The following PAK3 variants were observed in gnomAD, a reference collection of about 807,000 sequenced individuals.
The protein encoded by PAK3 is p21 (RAC1) activated kinase 3, also known as serine/threonine-protein kinase PAK 3.
A neutral mutation model predicts 41.0 loss-of-function variants in PAK3; 4 were observed. That is an observed-to-expected ratio of 0.10 (90% confidence interval 0.05 to 0.22). The LOEUF (loss-of-function observed/expected upper bound fraction) is 0.22, where lower values mean the gene tolerates loss of function less well. Among genes scored for constraint, PAK3 ranks in the 10% least tolerant of loss-of-function variants. The pLI, the probability that PAK3 is intolerant of heterozygous loss-of-function variation, is 1.00. For missense variants in PAK3, 205 were observed against 409.9 expected, an observed-to-expected ratio of 0.50 and a Z score of 4.32; for synonymous variants, 146 against 139.6, an observed-to-expected ratio of 1.05 and a Z score of -0.32.
At chrX:111,020,408 G>T (rs918807187) in intron 1 of PAK3, among the ~76,000 whole-genome samples, 1 of 111,492 alleles carries the variant, frequency 9.0e-6, no homozygotes, top group African/African-American at 3.3e-5. Context: ...AGGGGAGAAT[G>T]GGGAATTGTT....
At chrX:111,027,521 G>A (rs191972539) in intron 1 of PAK3, among the ~76,000 whole-genome samples, 119 of 111,670 alleles carry the variant, frequency 1.1e-3, no homozygotes, top group African/African-American at 3.5e-3. Flanking sequence ...ACGAATAGAC[G>A]ATTCTCAAAA....
chrX:111,137,681 C>G (rs1368160897), intron 5 of PAK3, among the ~76,000 whole-genome samples: 2 of 111,540 alleles, frequency 1.8e-5, no homozygotes, highest in Non-Finnish European at 3.8e-5. Flanking sequence ...AGAAAGATGT[C>G]AGGATGAGAG....
chrX:110,967,666 A>G (rs1404852363), intron 1 of PAK3, among the ~76,000 whole-genome samples: 1 of 112,010 alleles, frequency 8.9e-6, no homozygotes, highest in Non-Finnish European at 1.9e-5. Context: ...TCAAGACACT[A>G]CGGGCCAAGC....
chrX:111,096,087 AT>A (rs769607436), upstream of PAK3, among the ~76,000 whole-genome samples: 125 of 111,462 alleles, frequency 1.1e-3, no homozygotes, highest in African/African-American at 3.8e-3. Flanking sequence ...ACTCAGGGCG[AT>A]TTTAGTTTTA....
intron 1 of PAK3, among the ~76,000 whole-genome samples, chrX:111,064,302 A>C (rs1170246704): frequency 9.0e-6 from 1 of 111,416 alleles, no homozygotes; most frequent in African/African-American, 3.3e-5. Context: ...AAGAATTTTA[A>C]CTTTTATTTT....
At chrX:111,050,155 C>G (rs1170963348) in intron 1 of PAK3, among the ~76,000 whole-genome samples, 2 of 111,498 alleles carry the variant, frequency 1.8e-5, no homozygotes, top group East Asian at 2.8e-4. Context: ...TCCCCAGGCA[C>G]TTCCCCACAG....
At chrX:111,100,082 T>C (rs2093097292) in intron 3 of PAK3, among the ~76,000 whole-genome samples, 1 of 110,633 alleles carries the variant, frequency 9.0e-6, no homozygotes, top group African/African-American at 3.3e-5. Flanking sequence ...TCCAAGTTAA[T>C]AATCTGCTAG....
chrX:110,957,636 C>T (rs1416459293), intron 1 of PAK3, among the ~76,000 whole-genome samples: 1 of 111,401 alleles, frequency 9.0e-6, no homozygotes, highest in African/African-American at 3.3e-5. Flanking sequence ...AGTGGTGAGT[C>T]TTTCTTACCC....
In PAK3 at chrX:111,192,580, G is replaced by A. The variant is rs1464509529; in HGVS notation, c.954G>A (p.Arg318=). 1 of 1,096,112 alleles carries A rather than the reference G, an allele frequency of 9.1e-7. No homozygotes were observed. The highest frequency in any genetic ancestry group is 1.8e-5 in the African/African-American group (1 of 55,531). The allele number at this position is 1,096,112 out of a possible 1,213,427, so 90.3% of individuals were successfully genotyped here. The change falls in exon 13 of 18, where the codon AGG becomes AGA. Residue 318 remains arginine, a synonymous_variant. Transcript: ENST00000372007. ...TTATTAATGAAATTCTGGTCATGAG[G>A]GAAAATAAGAACCCTAATATTGTTA... The part of the protein sequence containing the change: ...ELIINEILVM[R]ENKNPNIVNY...
intron 5 of PAK3, among the ~76,000 whole-genome samples, chrX:111,124,712 C>T (rs1332632406): frequency 9.0e-6 from 1 of 111,422 alleles, no homozygotes; most frequent in East Asian, 2.9e-4. Context: ...TAATGAAACC[C>T]TTGCTGCTCT....
intron 5 of PAK3, among the ~76,000 whole-genome samples, chrX:111,140,612 A>T (rs2093856672): frequency 8.9e-6 from 1 of 111,925 alleles, no homozygotes; most frequent in South Asian, 3.7e-4. Context: ...CACTGTAAAA[A>T]TGGAATCTGT....
intron 1 of PAK3, among the ~76,000 whole-genome samples, chrX:111,053,499 A>T (rs768311486): frequency 9.0e-6 from 1 of 111,460 alleles, no homozygotes; most frequent in Non-Finnish European, 1.9e-5. Context: ...TAGAGTACTG[A>T]CTCCCTATGT....
At chrX:111,147,628 T>G in intron 6 of PAK3, 109 bp from the exon 7 acceptor site, 1 of 583,544 alleles carries the variant, frequency 1.7e-6, no homozygotes, top group Non-Finnish European at 3.1e-6. Context: ...GTTTCCCAAG[T>G]GTAATCCTAC....
intron 6 of PAK3, among the ~76,000 whole-genome samples, chrX:111,144,481 T>C (rs1426674090): frequency 1.8e-5 from 2 of 111,803 alleles, no homozygotes; most frequent in Non-Finnish European, 1.9e-5. Flanking sequence ...TGCCAAATTA[T>C]AAAAAGCTTT....
chrX:111,014,324 CT>C (rs751361766), intron 1 of PAK3, among the ~76,000 whole-genome samples: 1 of 110,977 alleles, frequency 9.0e-6, no homozygotes, highest in East Asian at 2.8e-4. Flanking sequence ...TCAGCAGCAC[CT>C]TTTTTTTCAA....
At chrX:111,059,903 C>T (rs1177532281) in intron 1 of PAK3, among the ~76,000 whole-genome samples, 1 of 111,492 alleles carries the variant, frequency 9.0e-6, no homozygotes, top group Non-Finnish European at 1.9e-5. Context: ...TCTTTCTTTC[C>T]AATCTGGATA....
rs377234261 is a variant in PAK3 at position 111,070,113 on chromosome X, AAAACAAAC to A, written c.-27-52945_-27-52938del. ...TATGGGTACAAGGTAATCCTGAGAC[AAAACAAAC>A]AAACAAACAAACAAACAACAACAAC... On this transcript the variant is annotated intron_variant, in intron 1 of 14. Coordinates refer to the PAK3 transcript ENST00000425146. Among the ~76,000 whole-genome samples the A allele has an allele frequency of 6.7e-3, 751 of 111,682 alleles. 3 individuals carry two copies. Among genetic ancestry groups the A allele is most frequent in the African/African-American group, 0.023 (703 of 30,723 alleles).
intron 1 of PAK3, among the ~76,000 whole-genome samples, chrX:111,029,863 C>T (rs1246597345): frequency 8.9e-6 from 1 of 111,976 alleles, no homozygotes; most frequent in Non-Finnish European, 1.9e-5. Context: ...CTGTGATCTG[C>T]AATTAACTGG....
At chrX:111,026,690 C>T (rs971989169) in intron 1 of PAK3, among the ~76,000 whole-genome samples, 2 of 111,878 alleles carry the variant, frequency 1.8e-5, no homozygotes, top group Non-Finnish European at 3.8e-5. Flanking sequence ...ACTTCTCATG[C>T]TCATGGATAG....
Sources: allele counts gnomAD v4.1 joint callset (sites outside exome capture counted in the v4.1 genomes callset), GRCh38; gene constraint gnomAD v4.1.1; transcripts MANE v1.5; gene names NCBI Gene and HGNC (gene_info 2026-07-23, HGNC 2026-07-21).